FLT3: variants seen among roughly 807,000 people sequenced by gnomAD.
FLT3 encodes receptor-type tyrosine-protein kinase FLT3.
Under a neutral mutation model 126.6 loss-of-function variants are expected in FLT3, and 46 were observed. The ratio of observed to expected loss-of-function variants is 0.36; its 90% CI spans 0.29 to 0.46. The LOEUF is 0.46. Among genes scored for constraint, FLT3 ranks in the 20% least tolerant of loss-of-function variants. The pLI is 1.00. For synonymous variants in FLT3, 404 were observed against 434.4 expected (o/e 0.93, Z 0.87); for missense variants, 1,069 against 1,190.3 (o/e 0.90, Z 1.50).
chr13:28,015,850 T>C (rs1393973955), intron 20 of FLT3, 149 bp from the exon 21 acceptor site: 2 of 610,208 alleles, frequency 3.3e-6, no homozygotes, highest in African/African-American at 1.9e-5. Context: ...TGAAAGGTTT[T>C]CACTTTCAAA....
intron 23 of FLT3, among the ~76,000 whole-genome samples, chr13:28,005,808 G>GCCTC (rs1870834271): frequency 1.3e-5 from 2 of 152,172 alleles, no homozygotes; most frequent in African/African-American, 4.8e-5. Flanking sequence ...GGGTATGTCA[G>GCCTC]CCTCCCACAT....
Position 28,035,926 on chromosome 13 carries a change from C to T in FLT3, c.1418+9G>A, listed in dbSNP as rs1593243214. Reference sequence around the variant, plus strand: ...CTTCCATTATAAGAGGCATCAATGTCCTTATTACTTGGGAGACTTGTCTGA... The same window carrying T: ...CTTCCATTATAAGAGGCATCAATGTTCTTATTACTTGGGAGACTTGTCTGA... On this transcript the variant is annotated intron_variant, in intron 11 of 23. Transcript: ENST00000241453. 3.1e-6 allele frequency: 5 copies of T among 1,595,210 alleles called. No homozygotes were observed. In the East Asian group the frequency reaches 1.1e-4, roughly 36 times the overall value.
chr13:28,029,395 AAAAAC>A (rs57346071), intron 15 of FLT3, among the ~76,000 whole-genome samples: 52 of 151,498 alleles, frequency 3.4e-4, no homozygotes, highest in East Asian at 2.7e-3. Context: ...ACTCTGTCTC[AAAAAC>A]AAAACAAAAC....
intron 1 of FLT3, among the ~76,000 whole-genome samples, chr13:28,090,222 G>C (rs1157054132): frequency 1.3e-5 from 2 of 151,664 alleles, no homozygotes; most frequent in African/African-American, 4.9e-5. Context: ...ATTTTTAGTA[G>C]AGACAGGGTT....
At chr13:28,089,897 G>T (rs988138016) in intron 1 of FLT3, among the ~76,000 whole-genome samples, 1 of 151,220 alleles carries the variant, frequency 6.6e-6, no homozygotes, top group Non-Finnish European at 1.5e-5. Context: ...ACCATGCCCG[G>T]CTAAGTTTTA....
intron 1 of FLT3, among the ~76,000 whole-genome samples, chr13:28,093,170 C>T (rs1879233454): frequency 6.6e-6 from 1 of 151,796 alleles, no homozygotes; most frequent in African/African-American, 2.4e-5. Context: ...AAGTGATCCA[C>T]TCACCTTGGC....
At chr13:28,006,525 A>G (rs1870911986) in intron 23 of FLT3, among the ~76,000 whole-genome samples, 1 of 151,964 alleles carries the variant, frequency 6.6e-6, no homozygotes, top group African/African-American at 2.4e-5. Flanking sequence ...ATTTCTAACC[A>G]CCTCATGAAG....
chr13:28,005,294 A>T (rs1255053682), intron 23 of FLT3, among the ~76,000 whole-genome samples: 5 of 151,902 alleles, frequency 3.3e-5, no homozygotes, highest in Non-Finnish European at 7.4e-5. Flanking sequence ...GTGCCACTGC[A>T]CTCCAGCCTG....
rs968225958 is a variant in FLT3 at position 28,015,090 on chromosome 13, T to C, written c.2753+67A>G. 1.4e-5 allele frequency: 14 copies of C among 977,406 alleles called. No homozygotes were observed. The Admixed American group carries it at 1.9e-4, about 13-fold the overall frequency. The allele number at this position is 977,406 out of a possible 1,614,324, so 60.5% of individuals were successfully genotyped here. ...TAAGGAGTTTGACTTTTTTTGGTCA[T>C]GCATTTGGAAGTAGACAGACTGTAC... On this transcript the variant is annotated intron_variant, in intron 22 of 23. Coordinates refer to ENST00000241453, the MANE Select transcript of FLT3 (RefSeq NM_004119.3).
intron 1 of FLT3, among the ~76,000 whole-genome samples, chr13:28,076,555 T>C (rs1877940847): frequency 6.6e-6 from 1 of 152,164 alleles, no homozygotes; most frequent in African/African-American, 2.4e-5. Flanking sequence ...CTGGTGCAAG[T>C]GTCAGAGTCC....
At chr13:28,052,474 T>G in intron 5 of FLT3, 71 bp downstream of exon 5, 1 of 1,415,376 alleles carries the variant, frequency 7.1e-7, no homozygotes, top group South Asian at 1.3e-5. Flanking sequence ...ACATACAGCT[T>G]GATGTCAACT....
intron 9 of FLT3, among the ~76,000 whole-genome samples, 195 bp downstream of exon 9, chr13:28,048,080 A>G (rs1875062297): frequency 6.6e-6 from 1 of 152,192 alleles, no homozygotes; most frequent in Admixed American, 6.5e-5. Context: ...AGCAGGTTAT[A>G]TTATCTAAAG....
chr13:28,060,689 C>G (rs948872594), intron 3 of FLT3, among the ~76,000 whole-genome samples: 1 of 151,994 alleles, frequency 6.6e-6, no homozygotes, highest in Non-Finnish European at 1.5e-5. Context: ...CACCGAACAT[C>G]CCCCTCTGGG....
chr13:28,030,239 G>A (rs9512987), intron 15 of FLT3, among the ~76,000 whole-genome samples: 23,946 of 152,180 alleles, frequency 0.16, 2,210 homozygotes, highest in Middle Eastern at 0.26. Context: ...GATTTCCTGT[G>A]GGCACTGGGA....
intron 23 of FLT3, among the ~76,000 whole-genome samples, chr13:28,011,068 T>G (rs1321316625): frequency 6.6e-6 from 1 of 150,626 alleles, no homozygotes; most frequent in African/African-American, 2.4e-5. Flanking sequence ...TCTCAGCACT[T>G]TGGAAGGCTG....
At chr13:28,026,608 A>C (rs1872826431) in intron 17 of FLT3, among the ~76,000 whole-genome samples, 1 of 152,168 alleles carries the variant, frequency 6.6e-6, no homozygotes, top group African/African-American at 2.4e-5. Flanking sequence ...AGCAGAGACA[A>C]GGTTACTGCT....
Position 28,034,421 on chromosome 13 carries a change from G to A in FLT3, c.1598-14C>T. On this transcript the variant is annotated splice_polypyrimidine_tract_variant and intron_variant, in intron 12 of 23. Coordinates refer to ENST00000241453, the MANE Select transcript of FLT3 (RefSeq NM_004119.3). Reference sequence around the variant, plus strand: ...AAGGGAAGGGGCCTGCAACAAAAGAGTGTCACTCAGCGATGAAACAGAATT... The same window carrying A: ...AAGGGAAGGGGCCTGCAACAAAAGAATGTCACTCAGCGATGAAACAGAATT... 2.6e-6 allele frequency: 4 copies of A among 1,562,326 alleles called. No homozygotes were observed. Among genetic ancestry groups the A allele is most frequent in the Non-Finnish European group, 3.5e-6 (4 of 1,133,440 alleles).
intron 1 of FLT3, among the ~76,000 whole-genome samples, chr13:28,098,139 A>T (rs1879583480): frequency 6.6e-6 from 1 of 151,704 alleles, no homozygotes; most frequent in Non-Finnish European, 1.5e-5. Context: ...ACATGGTGAA[A>T]CCTCGTCTCT....
chr13:28,068,883 T>C (rs1278137948), intron 2 of FLT3, among the ~76,000 whole-genome samples: 2 of 152,182 alleles, frequency 1.3e-5, no homozygotes, highest in African/African-American at 4.8e-5. Flanking sequence ...GGCTGATTTC[T>C]ACTATTTTCA....
Sources: gnomAD v4.1 joint callset for allele counts (sites outside exome capture counted in the v4.1 genomes callset) on GRCh38, gnomAD v4.1.1 for gene constraint, MANE v1.5 for transcripts, NCBI Gene and HGNC (gene_info 2026-07-23, HGNC 2026-07-21) for gene names.